The following ACADS variants were observed in gnomAD, a reference collection of about 807,000 sequenced individuals.
The protein encoded by ACADS is acyl-CoA dehydrogenase short chain, also known as short-chain specific acyl-CoA dehydrogenase, mitochondrial.
Under a neutral mutation model 46.8 loss-of-function variants are expected in ACADS, and 28 were observed. That is an observed-to-expected ratio of 0.60 (90% CI 0.44 to 0.82). The LOEUF (loss-of-function observed/expected upper bound fraction) is 0.82. ACADS is among the 40% of genes least tolerant of loss of function. The pLI, the probability that ACADS is intolerant of heterozygous loss-of-function variation, is 0.00. For missense variants in ACADS, 528 were observed against 578.0 expected (o/e 0.91, Z 0.89); for synonymous variants, 236 against 237.7 (o/e 0.99, Z 0.07).
Position 120,725,846 on chromosome 12 carries a change from C to T in ACADS, c.-40C>T. On this transcript the variant is annotated 5_prime_UTR_variant, in exon 1 of 10. Coordinates refer to ENST00000242592, the MANE Select transcript of ACADS (RefSeq NM_000017.4). ...CCAGCACTCCGGAACAGCGCGCTCG[C>T]AGCGGGAGGTCGCGAAGCCTGGGAC... is the stretch of plus-strand genomic sequence containing the variant. 6.5e-7 allele frequency: 1 copy of T among 1,528,690 alleles called. No homozygotes were observed. 94.7% of individuals were successfully genotyped at this position (1,528,690 alleles called of 1,614,324 possible).
Position 120,739,538 on chromosome 12 carries a change from G to A in ACADS, c.*90G>A, listed in dbSNP as rs532956280. ...CGGCTCAGAGACTGGGCGGCCCGGCGGGGGCTCCCTGGGGACCCCAGATGG... is the reference window on the plus strand; with the variant it reads ...CGGCTCAGAGACTGGGCGGCCCGGCAGGGGCTCCCTGGGGACCCCAGATGG... On this transcript the variant is annotated 3_prime_UTR_variant, in exon 10 of 10. Coordinates refer to ENST00000242592, the MANE Select transcript of ACADS (RefSeq NM_000017.4). 14 of 1,509,118 alleles carry A rather than the reference G, an allele frequency of 9.3e-6. No homozygotes were observed. Among genetic ancestry groups the A allele is most frequent in the Middle Eastern group, 2.4e-4 (1 of 4,250 alleles). 93.5% of individuals were successfully genotyped at this position (1,509,118 alleles called of 1,614,324 possible).
At chr12:120,734,079 G>C (rs537066219) in intron 2 of ACADS, among the ~76,000 whole-genome samples, 2 of 152,238 alleles carry the variant, frequency 1.3e-5, no homozygotes, top group African/African-American at 4.8e-5. Flanking sequence ...TCCTGCCTCT[G>C]CTTCCGTCGT....
At chr12:120,734,884 T>TG (rs1464816138) in intron 2 of ACADS, among the ~76,000 whole-genome samples, 1 of 150,184 alleles carries the variant, frequency 6.7e-6, no homozygotes, top group Non-Finnish European at 1.5e-5. Context: ...CCCGAGTAGC[T>TG]GGGATTACAG....
At chr12:120,735,690 G>A (rs1370070966) in intron 2 of ACADS, among the ~76,000 whole-genome samples, 1 of 151,984 alleles carries the variant, frequency 6.6e-6, no homozygotes, top group Non-Finnish European at 1.5e-5. Flanking sequence ...CACGAGGTCG[G>A]GAGTTCAAGA....
At chr12:120,730,686 G>C (rs1267141147) in intron 2 of ACADS, among the ~76,000 whole-genome samples, 2 of 152,164 alleles carry the variant, frequency 1.3e-5, no homozygotes, top group Non-Finnish European at 2.9e-5. Flanking sequence ...TGGGAATTTG[G>C]GTTCCCACTG....
At chr12:120,737,251 C>A in intron 3 of ACADS, 105 bp from the exon 4 acceptor site, 1 of 1,529,866 alleles carries the variant, frequency 6.5e-7, no homozygotes, top group South Asian at 1.2e-5. Context: ...AGGCCTTGGT[C>A]CTACTGGGTA....
chr12:120,737,561 C>T (rs1241337045), intron 4 of ACADS, 94 bp downstream of exon 4: 1 of 1,245,074 alleles, frequency 8.0e-7, no homozygotes, highest in Non-Finnish European at 1.2e-6. Context: ...CTTCGGAGGC[C>T]AGAGGGGAGG....
Position 120,737,295 on chromosome 12 carries a change from C to T in ACADS, c.361-61C>T, listed in dbSNP as rs544660270. The T allele has an allele frequency of 2.7e-5, 42 of 1,560,470 alleles. No homozygotes were observed. In the East Asian group the frequency reaches 2.7e-4, roughly 10 times the overall value. On this transcript the variant is annotated intron_variant, in intron 3 of 9. Transcript: ENST00000242592. ...ACAGAACAGGCCCTGAGGTGCAGCC[C>T]GCAGGTGGGCAGGATGCGCCTGGGC...
chr12:120,727,801 G>C (rs1222445581), intron 2 of ACADS, among the ~76,000 whole-genome samples: 2 of 152,130 alleles, frequency 1.3e-5, no homozygotes, highest in Non-Finnish European at 2.9e-5. Flanking sequence ...CTCCCAAAGT[G>C]CTGGGATTAC....
In ACADS at chr12:120,739,472, C is replaced by T; in HGVS notation, c.*24C>T. 1 of 1,598,590 alleles carries T rather than the reference C, an allele frequency of 6.3e-7. No individual in the cohort carries two copies. Among genetic ancestry groups the T allele is most frequent in the Non-Finnish European group, 8.5e-7 (1 of 1,176,074 alleles). On this transcript the variant is annotated 3_prime_UTR_variant, in exon 10 of 10. Coordinates refer to ENST00000242592, the MANE Select transcript of ACADS (RefSeq NM_000017.4). ...GAGCCCGCGGCGGACTGCCCCAGGA[C>T]TGCGGGAAGGCGCGGGAGCCAGGGG...
rs969662812 is a variant in ACADS at position 120,728,866 on chromosome 12, C to T, written c.210+1677C>T. The stretch of plus-strand genomic sequence containing the variant: ...GTTTTTATATGAGGGACCCACTAAC[C>T]GTTTCCCAGATATGAAGGCAGCAGG... On this transcript the variant is annotated intron_variant, in intron 2 of 9. Transcript: ENST00000242592. The surrounding 1 kb of genome is among the most constrained non-coding windows in gnomAD (Gnocchi z 4.0). Among the ~76,000 whole-genome samples, 3 of 152,228 alleles carry T rather than the reference C, an allele frequency of 2.0e-5. No individual in the cohort carries two copies. The highest frequency in any genetic ancestry group is 4.8e-5 in the African/African-American group (2 of 41,454).
Position 120,737,127 on chromosome 12 carries a change from G to A in ACADS, c.352G>A (p.Val118Ile). 1 of 1,584,294 alleles carries A rather than the reference G, an allele frequency of 6.3e-7. No individual in the cohort carries two copies. The change falls in exon 3 of 10, where the codon GTC (valine) becomes ATC (isoleucine). Residue 118 changes from valine to isoleucine, a missense_variant. Transcript: ENST00000242592. ...GCASTGVIMSVNNSLYLGPIL... is the reference protein window; with the variant it reads ...GCASTGVIMSINNSLYLGPIL... ...CGCCTCCACCGGAGTCATCATGAGT[G>A]TCAACAACGTGAGCCCCCTCCCAGG...
At position 120,737,615 on chromosome 12, in the gene ACADS, G is replaced by A. The variant is rs536035818; in HGVS notation, c.472+148G>A. 38 of 1,052,160 alleles carry A rather than the reference G, an allele frequency of 3.6e-5. No homozygotes were observed. The East Asian group carries it at 3.6e-4, about 10-fold the overall frequency. 65.2% of individuals were successfully genotyped at this position (1,052,160 alleles called of 1,614,324 possible). A position where few individuals can be genotyped will look rare whatever the true frequency, so the allele number is the denominator to read the frequency against. On this transcript the variant is annotated intron_variant, in intron 4 of 9. Transcript: ENST00000242592. The stretch of plus-strand genomic sequence containing the variant: ...GGGTGAGCGCTCTTGCCACCGCGGC[G>A]CTGGGAGGAAGATTGCCTTCGGGGT...
chr12:120,734,159 T>A (rs559286523), intron 2 of ACADS, among the ~76,000 whole-genome samples: 30 of 152,360 alleles, frequency 2.0e-4, no homozygotes, highest in African/African-American at 7.2e-4. Flanking sequence ...TGGGTGACTC[T>A]GATCATCCAG....
Position 120,739,708 on chromosome 12 carries a change from T to TG in ACADS, c.*267dup, listed in dbSNP as rs1444807730. ...CCCTGGCCTCCTGGGGGCGGGGTTGTGGGGGGGCTGAGCGACACTCAGGGA... is the reference window on the plus strand; with the variant it reads ...CCCTGGCCTCCTGGGGGCGGGGTTGTGGGGGGGGCTGAGCGACACTCAGGGA... On this transcript the variant is annotated 3_prime_UTR_variant, in exon 10 of 10. Transcript: ENST00000242592. The TG allele has an allele frequency of 2.0e-5, 11 of 543,040 alleles. No homozygotes were observed. Among genetic ancestry groups the TG allele is most frequent in the South Asian group, 1.0e-4 (5 of 47,784 alleles). The allele number at this position is 543,040 out of a possible 1,614,324, so 33.6% of individuals were successfully genotyped here. A position where few individuals can be genotyped will look rare whatever the true frequency, so the allele number is the denominator to read the frequency against.
intron 1 of ACADS, among the ~76,000 whole-genome samples, chr12:120,726,619 G>A (rs1883093133): frequency 1.3e-5 from 2 of 152,224 alleles, no homozygotes; most frequent in Admixed American, 1.3e-4. Context: ...TAGAAACGGA[G>A]GCTCACTGAC....
intron 7 of ACADS, 45 bp downstream of exon 7, chr12:120,738,715 G>T (rs770022520): frequency 6.2e-7 from 1 of 1,609,132 alleles, no homozygotes; most frequent in Non-Finnish European, 8.5e-7. Context: ...GCTGGACAGC[G>T]GGCGGAGAGT....
chr12:120,738,493 G>A (rs746662787), intron 6 of ACADS, 40 bp from the exon 7 acceptor site: 10 of 1,605,404 alleles, frequency 6.2e-6, no homozygotes, highest in Admixed American at 3.3e-5. Context: ...CCAGGCCCGC[G>A]CCCCGGCTGG....
At chr12:120,733,891 T>C (rs1413280089) in intron 2 of ACADS, among the ~76,000 whole-genome samples, 1 of 149,126 alleles carries the variant, frequency 6.7e-6, no homozygotes, top group East Asian at 1.9e-4. Flanking sequence ...AACCAAACCA[T>C]GGCAGCCACT....
Sources: gnomAD v4.1 joint callset for allele counts (sites outside exome capture counted in the v4.1 genomes callset) on GRCh38, gnomAD v4.1.1 for gene constraint, Gnocchi (gnomAD v3.1) non-coding constraint, MANE v1.5 for transcripts, NCBI Gene and HGNC (gene_info 2026-07-23, HGNC 2026-07-21) for gene names.